Variants in RADX observed in about 807,000 individuals in gnomAD.
RADX encodes RPA-related protein RADX.
RADX carries 36 observed loss-of-function variants against 61.6 expected under a neutral mutation model. The ratio of observed to expected loss-of-function variants is 0.58; its 90% CI spans 0.45 to 0.77. The LOEUF is 0.77. RADX is among the 30% of genes least tolerant of loss of function. The pLI, the probability that RADX is intolerant of heterozygous loss-of-function variation, is 0.00. For missense variants in RADX, 497 were observed against 651.1 expected (o/e 0.76, Z 2.58); for synonymous variants, 272 against 237.9 (o/e 1.14, Z -1.32).
At chrX:106,641,306 A>G (rs903764928) in intron 10 of RADX, among the ~76,000 whole-genome samples, 4 of 109,934 alleles carry the variant, frequency 3.6e-5, no homozygotes, top group Non-Finnish European at 7.6e-5. Context: ...TCCTTCTCAT[A>G]TGCAAAATAG....
Position 106,639,564 on chromosome X carries a change from G to A in RADX, c.1611G>A (p.Lys537=). 1.7e-6 allele frequency: 2 copies of A among 1,201,432 alleles called. No homozygotes were observed. Among genetic ancestry groups the A allele is most frequent in the Non-Finnish European group, 2.2e-6 (2 of 890,841 alleles). The change falls in exon 9 of 14, where the codon AAG becomes AAA. Residue 537 remains lysine (K), a synonymous_variant. Coordinates refer to ENST00000372548, the MANE Select transcript of RADX (RefSeq NM_018015.6). ...TGACAGCTATAAGTGAAGTCAGGAA[G>A]GAGATTGAAGACTTGCAGTATAGGG... The part of the protein sequence containing the change: ...SLLTAISEVR[K]EIEDLQYREQ...
chrX:106,648,782 T>A lies in RADX; in HGVS notation c.1978+396T>A, dbSNP rs766007494. On this transcript the variant is annotated intron_variant, in intron 11 of 13. Transcript: ENST00000372548. Reference sequence around the variant, plus strand: ...CCTCATTTCTGAAGTGATTTCGTAATACAATTTTTTCTGGTGGGGTGTCCG... The same window carrying A: ...CCTCATTTCTGAAGTGATTTCGTAAAACAATTTTTTCTGGTGGGGTGTCCG... 3.6e-5 allele frequency among the ~76,000 whole-genome samples: 4 copies of A among 111,234 alleles called. No homozygotes were observed. In the South Asian group the frequency reaches 1.5e-3, roughly 42 times the overall value.
chrX:106,615,530 C>T (rs536113710), intron 1 of RADX, among the ~76,000 whole-genome samples: 1 of 111,830 alleles, frequency 8.9e-6, no homozygotes, highest in Non-Finnish European at 1.9e-5. Flanking sequence ...TCCCATCTTC[C>T]AGTTTCAGCT....
At chrX:106,615,613 G>A (rs1490703714) in intron 1 of RADX, among the ~76,000 whole-genome samples, 1 of 110,977 alleles carries the variant, frequency 9.0e-6, no homozygotes, top group Non-Finnish European at 1.9e-5. Context: ...ATACCACCTT[G>A]CAAATGATCT....
chrX:106,622,719 C>T lies in RADX; in HGVS notation c.712C>T (p.Leu238Phe). ...TAACAGAAGAAATTTTCCTGCATTG[C>T]TTGTGAGGATCTTACATAAATCAAA... ...WTNRRNFPAL[L>F]VRILHKSKLR... Residue 238 changes from leucine (L) to phenylalanine (F), a missense_variant, in exon 2 of 14, where the codon CTT (leucine) becomes TTT (phenylalanine). Transcript: ENST00000372548. 1.7e-6 allele frequency: 2 copies of T among 1,199,085 alleles called. No individual in the cohort carries two copies. The highest frequency in any genetic ancestry group is 3.7e-5 in the South Asian group (2 of 54,707).
chrX:106,650,516 A>G (rs1927767471), intron 11 of RADX, among the ~76,000 whole-genome samples: 1 of 110,788 alleles, frequency 9.0e-6, no homozygotes, highest in Non-Finnish European at 1.9e-5. Context: ...ACATGGAAGA[A>G]TTTATACCCC....
intron 1 of RADX, among the ~76,000 whole-genome samples, chrX:106,617,278 A>G (rs1332588005): frequency 9.1e-6 from 1 of 109,765 alleles, no homozygotes; most frequent in Non-Finnish European, 1.9e-5. Context: ...CACCCACCTC[A>G]GCTTCCCAAA....
chrX:106,652,983 C>CAAA (rs35694143), intron 11 of RADX, among the ~76,000 whole-genome samples: 3 of 55,053 alleles, frequency 5.4e-5, no homozygotes, highest in Non-Finnish European at 1.2e-4. Flanking sequence ...GAGATTCTGT[C>CAAA]AAAAAAAAAA....
At chrX:106,627,391 G>A (rs1331426048) in intron 3 of RADX, among the ~76,000 whole-genome samples, 1 of 111,601 alleles carries the variant, frequency 9.0e-6, no homozygotes, top group Non-Finnish European at 1.9e-5. Context: ...CTAGTGTGAT[G>A]TTTTGATCTG....
chrX:106,617,876 G>A (rs1160038018), intron 1 of RADX, among the ~76,000 whole-genome samples: 1 of 111,268 alleles, frequency 9.0e-6, no homozygotes, highest in Non-Finnish European at 1.9e-5. Context: ...TAAGCATCCC[G>A]GTGCTAACAA....
At chrX:106,650,592 T>A (rs773683616) in intron 11 of RADX, among the ~76,000 whole-genome samples, 91 of 111,212 alleles carry the variant, frequency 8.2e-4, no homozygotes, top group Non-Finnish European at 1.4e-3. Flanking sequence ...TTTTTATAAT[T>A]TTTTTATAGA....
Position 106,639,633 on chromosome X carries a change from G to A in RADX, c.1680G>A (p.Lys560=). 1 of 1,204,046 alleles carries A rather than the reference G, an allele frequency of 8.3e-7. No individual in the cohort carries two copies. The highest frequency in any genetic ancestry group is 1.1e-6 in the Non-Finnish European group (1 of 891,323). ...IAIQGIITAI[K]YIPHSSATES... ...TTCAGGGGATAATTACTGCTATAAA[G>A]TATATCCCCCATAGCAGTGCGACTG... Residue 560 remains lysine, a synonymous_variant, in exon 9 of 14, where the codon AAG becomes AAA. Transcript: ENST00000372548.
chrX:106,632,600 T>C lies in RADX; in HGVS notation c.980-25T>C, dbSNP rs773435426. ...TCTTTGGTGTGTATTAAATAGCATA[T>C]TAAAGTAATATATTTATTTTTCAGA... On this transcript the variant is annotated intron_variant, in intron 3 of 13. Coordinates refer to ENST00000372548, the MANE Select transcript of RADX (RefSeq NM_018015.6). 4.0e-6 allele frequency: 4 copies of C among 1,011,153 alleles called. No individual in the cohort carries two copies. In the South Asian group the frequency reaches 8.2e-5, roughly 21 times the overall value. 83.3% of individuals were successfully genotyped at this position (1,011,153 alleles called of 1,213,427 possible).
Position 106,654,508 on chromosome X carries a change from G to T in RADX, c.1978+6122G>T, listed in dbSNP as rs758568906. The stretch of plus-strand genomic sequence containing the variant: ...CTGACAAAAACAAGCAATGGGGAAA[G>T]GATTCCCTATTTAATAAATGGTGTT... On this transcript the variant is annotated intron_variant, in intron 11 of 13. Coordinates refer to ENST00000372548, the MANE Select transcript of RADX (RefSeq NM_018015.6). 4.4e-3 allele frequency among the ~76,000 whole-genome samples: 495 copies of T among 111,276 alleles called. 3 individuals are homozygous for T. Among genetic ancestry groups the T allele is most frequent in the Non-Finnish European group, 6.1e-3 (324 of 53,019 alleles).
intron 11 of RADX, among the ~76,000 whole-genome samples, chrX:106,658,889 T>C (rs1472028830): frequency 1.8e-5 from 2 of 111,337 alleles, no homozygotes; most frequent in Admixed American, 1.9e-4. Flanking sequence ...AAGTCCGTTA[T>C]ATACTTGCTA....
intron 12 of RADX, among the ~76,000 whole-genome samples, chrX:106,663,292 C>T (rs2015482870): frequency 9.0e-6 from 1 of 111,327 alleles, no homozygotes; most frequent in Admixed American, 9.6e-5. Context: ...TACCTCCTCA[C>T]ATATAAATAT....
chrX:106,669,064 A>G (rs1193447047), intron 12 of RADX, 99 bp from the exon 13 acceptor site: 2 of 638,594 alleles, frequency 3.1e-6, no homozygotes, highest in Non-Finnish European at 5.0e-6. Flanking sequence ...TCAGATCTAA[A>G]GCTATCTGGA....
chrX:106,669,387 T>G, intron 13 of RADX, 57 bp downstream of exon 13: 1 of 807,943 alleles, frequency 1.2e-6, no homozygotes, highest in Non-Finnish European at 1.8e-6. Flanking sequence ...TAAACAGCCC[T>G]AGCCTTAAGA....
chrX:106,669,200 A>T lies in RADX; in HGVS notation c.2307A>T (p.Leu769=). ...AGATAGCAATCGATGTTGCTTTCCT[A>T]CCCATGTATTGTCCAGAAGATATTC... The part of the protein sequence containing the change: ...NHEIAIDVAF[L]PMYCPEDIRT... The change falls in exon 13 of 14, where the codon CTA becomes CTT. Residue 769 remains leucine, a synonymous_variant. Transcript: ENST00000372548. The T allele has an allele frequency of 8.3e-7, 1 of 1,203,279 alleles. No individual in the cohort carries two copies. The highest frequency in any genetic ancestry group is 1.1e-6 in the Non-Finnish European group (1 of 888,186).
Sources: allele counts gnomAD v4.1 joint callset (sites outside exome capture counted in the v4.1 genomes callset), GRCh38; gene constraint gnomAD v4.1.1; transcripts MANE v1.5; gene names NCBI Gene and HGNC (gene_info 2026-07-23, HGNC 2026-07-21).